The following GALNT1 variants were observed in gnomAD, a reference collection of about 807,000 sequenced individuals.
GALNT1 encodes the protein GalNAc transferase 1.
A neutral mutation model predicts 65.7 loss-of-function variants in GALNT1; 17 were observed. The observed-to-expected ratio is 0.26, with a 90% confidence interval of 0.18 to 0.39. The LOEUF (loss-of-function observed/expected upper bound fraction) is 0.39. Among genes scored for constraint, GALNT1 ranks in the 10% least tolerant of loss-of-function variants. The pLI is 1.00. For synonymous variants in GALNT1, 210 were observed against 219.7 expected, an observed-to-expected ratio of 0.96 and a Z score of 0.39; for missense variants, 460 against 672.8, an observed-to-expected ratio of 0.68 and a Z score of 3.50.
chr18:35,601,482 G>A (rs2046581894), intron 1 of GALNT1, among the ~76,000 whole-genome samples: 1 of 151,102 alleles, frequency 6.6e-6, no homozygotes, highest in African/African-American at 2.4e-5. Context: ...TATTAATTTG[G>A]AATTTTTGTT....
At chr18:35,618,271 A>G (rs182377912) in intron 1 of GALNT1, among the ~76,000 whole-genome samples, 26 of 152,246 alleles carry the variant, frequency 1.7e-4, no homozygotes, top group Admixed American at 1.6e-3. Flanking sequence ...TAAAAAGTAT[A>G]TATTCTTTGG....
chr18:35,616,597 T>G (rs1267670142), intron 1 of GALNT1, among the ~76,000 whole-genome samples: 1 of 152,194 alleles, frequency 6.6e-6, no homozygotes, highest in African/African-American at 2.4e-5. Flanking sequence ...TCTTGAGTAA[T>G]GTTTGATTCC....
intron 1 of GALNT1, among the ~76,000 whole-genome samples, chr18:35,594,261 A>G (rs1403542209): frequency 6.6e-6 from 1 of 152,118 alleles, no homozygotes; most frequent in Non-Finnish European, 1.5e-5. Context: ...TTAAGTGTAC[A>G]AATAAAGAGT....
At chr18:35,673,013 T>C (rs2047657686) in intron 3 of GALNT1, among the ~76,000 whole-genome samples, 1 of 152,170 alleles carries the variant, frequency 6.6e-6, no homozygotes, top group South Asian at 2.1e-4. Context: ...ACAAAATATG[T>C]GCTCTGAATC....
chr18:35,710,053 C>A lies in GALNT1; in HGVS notation c.*283C>A. 1 of 298,852 alleles carries A rather than the reference C, an allele frequency of 3.3e-6. No homozygotes were observed. Among genetic ancestry groups the A allele is most frequent in the Non-Finnish European group, 6.3e-6 (1 of 159,406 alleles). 18.5% of individuals were successfully genotyped at this position (298,852 alleles called of 1,614,324 possible). ...AAAATCATGGTAAAGAATACTGAGA[C>A]AATGAAAAAAAATCAACAAAATATG... On this transcript the variant is annotated 3_prime_UTR_variant, in exon 12 of 12. Coordinates refer to ENST00000269195, the MANE Select transcript of GALNT1 (RefSeq NM_020474.4).
chr18:35,618,173 A>G (rs1335356932), intron 1 of GALNT1, among the ~76,000 whole-genome samples: 1 of 152,172 alleles, frequency 6.6e-6, no homozygotes, highest in East Asian at 1.9e-4. Context: ...CAGTACCATT[A>G]GGAAAATAAT....
At chr18:35,622,331 A>T (rs1265861157) in intron 1 of GALNT1, among the ~76,000 whole-genome samples, 1 of 152,058 alleles carries the variant, frequency 6.6e-6, no homozygotes, top group Non-Finnish European at 1.5e-5. Flanking sequence ...AGCTCACTGC[A>T]GCTTCGACTT....
chr18:35,698,665 TTAACAA>T (rs2048102810), intron 9 of GALNT1, among the ~76,000 whole-genome samples: 1 of 151,934 alleles, frequency 6.6e-6, no homozygotes, highest in African/African-American at 2.4e-5. Flanking sequence ...GCTGGAGACA[TTAACAA>T]CTGCTGTTTT....
intron 3 of GALNT1, among the ~76,000 whole-genome samples, chr18:35,673,774 G>C (rs1242337988): frequency 6.6e-6 from 1 of 152,172 alleles, no homozygotes; most frequent in Non-Finnish European, 1.5e-5. Flanking sequence ...ATTAGTAATA[G>C]TAAATACCAA....
chr18:35,658,432 A>G lies in GALNT1; in HGVS notation c.139+3631A>G, dbSNP rs192705453. On this transcript the variant is annotated intron_variant, in intron 2 of 11. Coordinates refer to ENST00000269195, the MANE Select transcript of GALNT1 (RefSeq NM_020474.4). Reference sequence around the variant, plus strand: ...AATCTTTGAGGTCCCTGGTAGTCTTAAGGGAAGAAATGATTAGGGGAAGAG... The same window carrying G: ...AATCTTTGAGGTCCCTGGTAGTCTTGAGGGAAGAAATGATTAGGGGAAGAG... Among the ~76,000 whole-genome samples the G allele has an allele frequency of 9.5e-4, 144 of 152,326 alleles. 1 individual carries two copies. The highest frequency in any genetic ancestry group is 3.0e-3 in the African/African-American group (125 of 41,566).
intron 1 of GALNT1, among the ~76,000 whole-genome samples, chr18:35,582,569 G>A (rs536218342): frequency 6.6e-6 from 1 of 152,274 alleles, no homozygotes; most frequent in Admixed American, 6.5e-5. Flanking sequence ...TAACCAACCC[G>A]TCTACCAAAC....
rs147052255 is a variant in GALNT1 at position 35,624,222 on chromosome 18, CT to C, written c.-103-30334del. Among the ~76,000 whole-genome samples the C allele has an allele frequency of 8.8e-3, 1,342 of 152,312 alleles. 9 individuals are homozygous for C. The highest frequency in any genetic ancestry group is 0.015 in the Non-Finnish European group (1,019 of 68,016). On this transcript the variant is annotated intron_variant, in intron 1 of 11. Coordinates refer to ENST00000269195, the MANE Select transcript of GALNT1 (RefSeq NM_020474.4). The stretch of plus-strand genomic sequence containing the variant: ...TTACATAGATATTTTAGGGTTCTCA[CT>C]TTTCTAGTATTTCCTGCCTCACTTT...
At position 35,659,886 on chromosome 18, in the gene GALNT1, A is replaced by G. The variant is rs187198907; in HGVS notation, c.140-3742A>G. The G allele has an allele frequency of 9.8e-5, 15 of 152,348 alleles. No individual in the cohort carries two copies. In the East Asian group the frequency reaches 2.9e-3, roughly 29 times the overall value. The allele number at this position is 152,348 out of a possible 1,614,324, so 9.4% of individuals were successfully genotyped here. On this transcript the variant is annotated intron_variant, in intron 2 of 11. Coordinates refer to ENST00000269195, the MANE Select transcript of GALNT1 (RefSeq NM_020474.4). Reference sequence around the variant, plus strand: ...AGGTAAATTGAACATGAAATTGGAAATTGACAAGGATGTTGAAGTAGCAGA... The same window carrying G: ...AGGTAAATTGAACATGAAATTGGAAGTTGACAAGGATGTTGAAGTAGCAGA...
At chr18:35,664,859 G>C (rs1224974630) in intron 3 of GALNT1, among the ~76,000 whole-genome samples, 4 of 152,234 alleles carry the variant, frequency 2.6e-5, no homozygotes, top group Non-Finnish European at 5.9e-5. Flanking sequence ...CCAGAGAAGA[G>C]ACTGGAAGAT....
chr18:35,630,137 A>C (rs1328204963), intron 1 of GALNT1, among the ~76,000 whole-genome samples: 2 of 152,212 alleles, frequency 1.3e-5, no homozygotes, highest in African/African-American at 4.8e-5. Flanking sequence ...AACATTAGAC[A>C]GATCAATGAG....
At chr18:35,661,482 A>G (rs1447340627) in intron 2 of GALNT1, among the ~76,000 whole-genome samples, 1 of 151,838 alleles carries the variant, frequency 6.6e-6, no homozygotes, top group Non-Finnish European at 1.5e-5. Context: ...TTTGGGTGAC[A>G]GAGCGAGACT....
At chr18:35,674,982 C>CAAAAAAAAA (rs150477892) in intron 3 of GALNT1, among the ~76,000 whole-genome samples, 4 of 30,330 alleles carry the variant, frequency 1.3e-4, no homozygotes, top group African/African-American at 2.9e-4. Flanking sequence ...GACTCCGTCT[C>CAAAAAAAAA]AAAAAAAAAA....
chr18:35,693,878 C>T (rs555019484), intron 9 of GALNT1, among the ~76,000 whole-genome samples: 5 of 152,042 alleles, frequency 3.3e-5, no homozygotes, highest in East Asian at 1.9e-4. Context: ...GAGAGAAGAC[C>T]GAGGACAATG....
intron 4 of GALNT1, among the ~76,000 whole-genome samples, 179 bp from the exon 5 acceptor site, chr18:35,683,212 A>T (rs1487412263): frequency 6.6e-6 from 1 of 152,218 alleles, no homozygotes; most frequent in East Asian, 1.9e-4. Context: ...AGGCAGCTGT[A>T]GTCCATTCTC....
Sources: allele counts gnomAD v4.1 joint callset (sites outside exome capture counted in the v4.1 genomes callset), GRCh38; gene constraint gnomAD v4.1.1; transcripts MANE v1.5; gene names NCBI Gene and HGNC (gene_info 2026-07-23, HGNC 2026-07-21).